PCLO: variants seen among roughly 807,000 people sequenced by gnomAD.
PCLO encodes protein piccolo.
A neutral mutation model predicts 427.5 loss-of-function variants in PCLO; 82 were observed. The observed-to-expected ratio is 0.19, with a 90% CI of 0.16 to 0.23. The LOEUF is 0.23. Among genes scored for constraint, PCLO ranks in the 10% least tolerant of loss-of-function variants. The pLI is 1.00. For missense variants in PCLO, 6,239 were observed against 6,115.9 expected, an observed-to-expected ratio of 1.02 and a Z score of -0.67; for synonymous variants, 2,357 against 2,155.4, an observed-to-expected ratio of 1.09 and a Z score of -2.59.
At chr7:83,029,038 T>A (rs1308530496) in intron 3 of PCLO, among the ~76,000 whole-genome samples, 15 of 152,072 alleles carry the variant, frequency 9.9e-5, no homozygotes, top group African/African-American at 3.4e-4. Context: ...CATTCAGGAC[T>A]TAGGCATGGG....
At chr7:83,071,551 C>G (rs1789815985) in intron 3 of PCLO, among the ~76,000 whole-genome samples, 1 of 152,182 alleles carries the variant, frequency 6.6e-6, no homozygotes, top group South Asian at 2.1e-4. Flanking sequence ...CTCAATATCT[C>G]TGTTCTTCTC....
chr7:83,029,279 C>T (rs1347849186), intron 3 of PCLO, among the ~76,000 whole-genome samples: 1 of 149,832 alleles, frequency 6.7e-6, no homozygotes, highest in Non-Finnish European at 1.5e-5. Flanking sequence ...AAAAAAACAA[C>T]CCCATCAAAA....
chr7:82,978,296 C>T (rs1796068145), intron 3 of PCLO, among the ~76,000 whole-genome samples: 1 of 151,662 alleles, frequency 6.6e-6, no homozygotes, highest in South Asian at 2.1e-4. Flanking sequence ...TTACAGATTG[C>T]TCAATTAATA....
intron 10 of PCLO, among the ~76,000 whole-genome samples, chr7:82,858,488 A>AG: frequency 6.6e-6 from 1 of 152,168 alleles, no homozygotes; most frequent in South Asian, 2.1e-4. Flanking sequence ...AAATACATCT[A>AG]TACTGGAGAA....
rs749866880 is a variant in PCLO, at chr7:82,950,432, C to T, written c.10156G>A (p.Ala3386Thr). ...ACAGTGCTCAGGATACCAGGTGGGG[C>T]AATGTACTGAGTAACACCATCAGAC... ...VQSDGVTQYIAPPGILSTVSE... is the reference protein window; with the variant it reads ...VQSDGVTQYITPPGILSTVSE... Residue 3386 changes from alanine (A) to threonine (T), a missense_variant, in exon 6 of 25, where the codon GCC becomes ACC. Ala to Thr is a moderately conservative substitution (Grantham distance 58). Around this residue, in one of 5 missense-constraint regions of PCLO, gnomAD observed 4,677 missense variants for 4,468.4 expected, o/e 1.05. Coordinates refer to ENST00000333891, the MANE Select transcript of PCLO (RefSeq NM_033026.6). The T allele has an allele frequency of 1.2e-6, 2 of 1,613,748 alleles. No homozygotes were observed. Among genetic ancestry groups the T allele is most frequent in the South Asian group, 2.2e-5 (2 of 91,074 alleles).
At chr7:83,084,624 A>G (rs7806858) in intron 3 of PCLO, among the ~76,000 whole-genome samples, 74,258 of 151,976 alleles carry the variant, frequency 0.49, 18,285 homozygotes, top group African/African-American at 0.51. Flanking sequence ...CTGTAAGTAT[A>G]GTAAGTTCAG....
At position 82,895,889 on chromosome 7, in the gene PCLO, T is replaced by C. The variant is rs114312808; in HGVS notation, c.13528+6762A>G. On this transcript the variant is annotated intron_variant, in intron 9 of 24. Coordinates refer to ENST00000333891, the MANE Select transcript of PCLO (RefSeq NM_033026.6). ...TGGATTCTACCAAATATTCAAAAAA[T>C]GAATAATACGAATTCTTCACAAACT... Among the ~76,000 whole-genome samples the C allele has an allele frequency of 5.8e-3, 882 of 151,976 alleles. 11 individuals carry two copies. The highest frequency in any genetic ancestry group is 0.02 in the African/African-American group (833 of 41,526).
At chr7:82,803,121 G>A (rs1295157335) in intron 21 of PCLO, among the ~76,000 whole-genome samples, 1 of 151,488 alleles carries the variant, frequency 6.6e-6, no homozygotes, top group Admixed American at 6.6e-5. Flanking sequence ...GCTTCATCAA[G>A]ATTCAAGACA....
intron 22 of PCLO, among the ~76,000 whole-genome samples, chr7:82,790,774 T>G (rs1032210658): frequency 6.6e-6 from 1 of 152,224 alleles, no homozygotes; most frequent in Non-Finnish European, 1.5e-5. Context: ...AAGTAAATTA[T>G]GTAGTTTTTA....
intron 3 of PCLO, among the ~76,000 whole-genome samples, chr7:83,055,478 A>G (rs189764931): frequency 6.6e-6 from 1 of 152,214 alleles, no homozygotes; most frequent in East Asian, 1.9e-4. Flanking sequence ...TAGTTGATCT[A>G]TTGCCCCCAA....
chr7:82,954,148 T>G lies in PCLO; in HGVS notation c.6805A>C (p.Met2269Leu). The part of the protein sequence containing the change: ...ADHIVISLSD[M>L]ASSIIESVVP... ...ACAGATTCTATGATAGAAGATGCCA[T>G]ATCAGATAAGGAAATAACAATATGA... The change falls in exon 5 of 25, where the codon ATG becomes CTG. Residue 2269 changes from methionine to leucine, a missense_variant. By Grantham distance (15) the Met-to-Leu change is conservative. Transcript: ENST00000333891. 1 of 1,613,884 alleles carries G rather than the reference T, an allele frequency of 6.2e-7. No homozygotes were observed. The highest frequency in any genetic ancestry group is 8.5e-7 in the Non-Finnish European group (1 of 1,179,824).
At chr7:82,815,852 T>C (rs1421963916) in intron 20 of PCLO, among the ~76,000 whole-genome samples, 1 of 152,118 alleles carries the variant, frequency 6.6e-6, no homozygotes, top group Non-Finnish European at 1.5e-5. Flanking sequence ...CAAATTATAA[T>C]TAAATTAACG....
In PCLO at chr7:82,915,130, C is replaced by T. The variant is rs199945001; in HGVS notation, c.12856G>A (p.Gly4286Ser). 82 of 1,590,226 alleles carry T rather than the reference C, an allele frequency of 5.2e-5. No homozygotes were observed. In the African/African-American group the frequency reaches 9.9e-4, roughly 19 times the overall value. The change falls in exon 7 of 25, where the codon GGC becomes AGC. Residue 4286 changes from glycine to serine, a missense_variant. Gly to Ser is a moderately conservative substitution (Grantham distance 56, BLOSUM62 0). Transcript: ENST00000333891. ...QDEADKPYSS[G>S]SRSRPSSRPS... ...CTGGAGGAAGGTCTGGACCTGCTGCCACTACTGTATGGCTTATCCGCTTCA... is the reference window on the plus strand; with the variant it reads ...CTGGAGGAAGGTCTGGACCTGCTGCTACTACTGTATGGCTTATCCGCTTCA...
intron 3 of PCLO, among the ~76,000 whole-genome samples, chr7:83,101,085 G>A (rs1376025166): frequency 6.6e-6 from 1 of 151,782 alleles, no homozygotes; most frequent in Non-Finnish European, 1.5e-5. Context: ...TTACTAAACT[G>A]ATTAACAATA....
chr7:82,777,788 C>T (rs1057415609), intron 22 of PCLO, among the ~76,000 whole-genome samples: 2 of 151,946 alleles, frequency 1.3e-5, no homozygotes, highest in African/African-American at 2.4e-5. Flanking sequence ...AATGTAAAAC[C>T]AAAAAGTATA....
chr7:83,077,018 A>T (rs1789971903), intron 3 of PCLO, among the ~76,000 whole-genome samples: 2 of 68,872 alleles, frequency 2.9e-5, no homozygotes, highest in Non-Finnish European at 5.2e-5. Context: ...TTAAAAATGC[A>T]TTGATATATA....
chr7:82,916,714 C>T lies in PCLO; in HGVS notation c.11272G>A (p.Ala3758Thr). Residue 3758 changes from alanine to threonine, a missense_variant, in exon 7 of 25, where the codon GCA becomes ACA. Around this residue, in one of 5 missense-constraint regions of PCLO, gnomAD observed 4,677 missense variants for 4,468.4 expected, o/e 1.05. Transcript: ENST00000333891. ...ATGTCCTGGAGAATCTTGGCTCGTG[C>T]CATTGTGTTGGTTCTGCAGATCCTT... The part of the protein sequence containing the change: ...RRRICRTNTM[A>T]RAKILQDIDR... The T allele has an allele frequency of 6.2e-7, 1 of 1,613,564 alleles. No individual in the cohort carries two copies. The highest frequency in any genetic ancestry group is 1.3e-5 in the African/African-American group (1 of 74,996).
intron 3 of PCLO, among the ~76,000 whole-genome samples, chr7:82,977,447 C>G (rs1215448648): frequency 6.9e-6 from 1 of 145,950 alleles, no homozygotes; most frequent in Non-Finnish European, 1.5e-5. Context: ...GAGTTTTGCT[C>G]TTATTGCCCA....
intron 13 of PCLO, among the ~76,000 whole-genome samples, chr7:82,844,012 A>G (rs560007776): frequency 4.6e-5 from 7 of 152,204 alleles, no homozygotes; most frequent in African/African-American, 1.7e-4. Flanking sequence ...GTATAAACAT[A>G]TACAAGTTTT....
Sources: allele counts gnomAD v4.1 joint callset (sites outside exome capture counted in the v4.1 genomes callset), GRCh38; gene constraint gnomAD v4.1.1; regional missense constraint gnomAD v4.1.1; transcripts MANE v1.5; gene names NCBI Gene and HGNC (gene_info 2026-07-23, HGNC 2026-07-21).